Variants in CYSTM1 observed in about 807,000 individuals in gnomAD.
CYSTM1 encodes the protein cysteine rich transmembrane module containing 1, also known as cysteine-rich transmembrane module-containing protein 1.
Under a neutral mutation model 13.1 loss-of-function variants are expected in CYSTM1, and 4 were observed. The observed-to-expected ratio is 0.31, with a 90% CI of 0.15 to 0.70. The LOEUF (loss-of-function observed/expected upper bound fraction) is 0.70, where lower values mean the gene tolerates loss of function less well. Ranked by LOEUF, CYSTM1 falls within the 30% of genes least tolerant of loss-of-function variation. The probability of loss-of-function intolerance (pLI) is 0.72; values close to 1 mark genes in which losing one functional copy is unlikely to be tolerated. For missense variants in CYSTM1, 96 were observed against 121.6 expected (o/e 0.79, Z 0.99); for synonymous variants, 36 against 42.7 (o/e 0.84, Z 0.62).
At chr5:140,221,578 C>A (rs1005911410) in intron 2 of CYSTM1, among the ~76,000 whole-genome samples, 3 of 152,192 alleles carry the variant, frequency 2.0e-5, no homozygotes, top group Non-Finnish European at 1.5e-5. Context: ...GAATAATATT[C>A]ATTGCATATT....
intron 1 of CYSTM1, among the ~76,000 whole-genome samples, chr5:140,177,848 T>C (rs1445137367): frequency 1.3e-5 from 2 of 152,210 alleles, no homozygotes; most frequent in Non-Finnish European, 2.9e-5. Flanking sequence ...CCAAATCTCT[T>C]TGATACTATT....
At chr5:140,237,652 T>C (rs1475826160) in intron 2 of CYSTM1, among the ~76,000 whole-genome samples, 1 of 152,256 alleles carries the variant, frequency 6.6e-6, no homozygotes, top group Non-Finnish European at 1.5e-5. Flanking sequence ...CCACAGGCAG[T>C]GCTGGTGGTG....
chr5:140,176,939 G>A (rs1763893087), intron 1 of CYSTM1, among the ~76,000 whole-genome samples: 2 of 151,920 alleles, frequency 1.3e-5, no homozygotes, highest in South Asian at 4.2e-4. Context: ...CGTGGTGGCG[G>A]GCGCCTGTAA....
chr5:140,210,345 G>A (rs989415307), intron 2 of CYSTM1, among the ~76,000 whole-genome samples: 3 of 152,056 alleles, frequency 2.0e-5, no homozygotes, highest in African/African-American at 7.3e-5. Context: ...TGTATTGTAG[G>A]ATGCTCAGCA....
intron 2 of CYSTM1, among the ~76,000 whole-genome samples, chr5:140,227,695 A>T (rs1312122952): frequency 6.6e-6 from 1 of 152,090 alleles, no homozygotes; most frequent in African/African-American, 2.4e-5. Flanking sequence ...ACTGCCCCTA[A>T]AGCCCCCGGA....
chr5:140,222,800 G>A (rs968849983), intron 2 of CYSTM1, among the ~76,000 whole-genome samples: 2 of 152,202 alleles, frequency 1.3e-5, no homozygotes, highest in Admixed American at 6.5e-5. Context: ...TGCACTTTAG[G>A]AACTTAGAGT....
chr5:140,229,144 T>C (rs1764592632), intron 2 of CYSTM1, among the ~76,000 whole-genome samples: 1 of 152,214 alleles, frequency 6.6e-6, no homozygotes, highest in Non-Finnish European at 1.5e-5. Flanking sequence ...CTATATATTC[T>C]ATCCACTAAT....
chr5:140,211,674 C>T (rs1311202431), intron 2 of CYSTM1, among the ~76,000 whole-genome samples: 3 of 152,202 alleles, frequency 2.0e-5, no homozygotes, highest in Non-Finnish European at 4.4e-5. Flanking sequence ...TGGCCAGGTG[C>T]AGTGGCTCAC....
chr5:140,193,013 A>AT (rs1451955012), intron 1 of CYSTM1, among the ~76,000 whole-genome samples: 2 of 152,236 alleles, frequency 1.3e-5, no homozygotes, highest in African/African-American at 4.8e-5. Flanking sequence ...TAGACTATTT[A>AT]TAACTATTCT....
chr5:140,195,658 C>A (rs1581061501), intron 2 of CYSTM1, among the ~76,000 whole-genome samples: 2 of 151,224 alleles, frequency 1.3e-5, no homozygotes, highest in South Asian at 2.1e-4. Context: ...GTCTCAATCT[C>A]CTGACCTCGT....
rs1452026520 is a variant in CYSTM1 at position 140,175,237 on chromosome 5, C to A, written c.-69C>A. Reference sequence around the variant, plus strand: ...AGTCTACTGCGGGCTGGTCCGGGCTCCTCAGGTTCAGACCCGACCGTTATC... The same window carrying A: ...AGTCTACTGCGGGCTGGTCCGGGCTACTCAGGTTCAGACCCGACCGTTATC... On this transcript the variant is annotated 5_prime_UTR_variant, in exon 1 of 3. Transcript: ENST00000261811. This position sits in a 1 kb window ranked among gnomAD's most constrained non-coding sequence, Gnocchi z 4.9. 1.3e-5 allele frequency: 2 copies of A among 152,360 alleles called. No individual in the cohort carries two copies. Among genetic ancestry groups the A allele is most frequent in the African/African-American group, 4.8e-5 (2 of 41,466 alleles). The allele number at this position is 152,360 out of a possible 1,614,324, so 9.4% of individuals were successfully genotyped here. A position where few individuals can be genotyped will look rare whatever the true frequency, so the allele number is the denominator to read the frequency against.
At chr5:140,198,600 AC>A (rs1452072457) in intron 2 of CYSTM1, among the ~76,000 whole-genome samples, 1 of 152,224 alleles carries the variant, frequency 6.6e-6, no homozygotes, top group African/African-American at 2.4e-5. Context: ...AGCATCACTT[AC>A]CCCTTATTCC....
intron 2 of CYSTM1, among the ~76,000 whole-genome samples, chr5:140,236,836 C>A (rs1403645086): frequency 1.3e-5 from 2 of 152,150 alleles, no homozygotes; most frequent in Non-Finnish European, 2.9e-5. Flanking sequence ...TTTTGTTGGT[C>A]ATAGTTTTTT....
chr5:140,204,464 T>A (rs1764272233), intron 2 of CYSTM1, among the ~76,000 whole-genome samples: 1 of 152,118 alleles, frequency 6.6e-6, no homozygotes, highest in African/African-American at 2.4e-5. Context: ...CCACAGAAAT[T>A]CTCAAACACC....
intron 2 of CYSTM1, among the ~76,000 whole-genome samples, chr5:140,199,553 C>T (rs1764202289): frequency 1.3e-5 from 2 of 152,172 alleles, no homozygotes; most frequent in South Asian, 2.1e-4. Flanking sequence ...TGCAGTGGCG[C>T]GATCTTGACT....
chr5:140,231,370 T>A (rs1335859170), intron 2 of CYSTM1, among the ~76,000 whole-genome samples: 5 of 152,178 alleles, frequency 3.3e-5, no homozygotes, highest in African/African-American at 4.8e-5. Flanking sequence ...AGGGGAGCAG[T>A]TCTTCAGTCT....
At chr5:140,180,092 T>C (rs1199293201) in intron 1 of CYSTM1, among the ~76,000 whole-genome samples, 1 of 151,930 alleles carries the variant, frequency 6.6e-6, no homozygotes, top group Admixed American at 6.5e-5. Context: ...ACAGCAAGAG[T>C]ATTATCAGAA....
chr5:140,175,804 C>G lies in CYSTM1; in HGVS notation c.-21+519C>G, dbSNP rs1368550742. Among the ~76,000 whole-genome samples the G allele has an allele frequency of 1.3e-5, 2 of 152,202 alleles. No homozygotes were observed. Among genetic ancestry groups the G allele is most frequent in the African/African-American group, 4.8e-5 (2 of 41,462 alleles). ...AAGTAACTAGGGAACGCAAAGCCGG[C>G]GCTCGGAGGCCGGGGTGTTCAGAGA... On this transcript the variant is annotated intron_variant, in intron 1 of 2. Coordinates refer to ENST00000261811, the MANE Select transcript of CYSTM1 (RefSeq NM_032412.4). The surrounding 1 kb of genome is among the most constrained non-coding windows in gnomAD (Gnocchi z 4.9).
At position 140,230,072 on chromosome 5, in the gene CYSTM1, A is replaced by C. The variant is rs1270058402; in HGVS notation, c.188-13233A>C. Among the ~76,000 whole-genome samples the C allele has an allele frequency of 2.6e-5, 4 of 152,082 alleles. No homozygotes were observed. Among genetic ancestry groups the C allele is most frequent in the Non-Finnish European group, 5.9e-5 (4 of 68,014 alleles). ...TTTTAGTAGAGACAGGGGTTTCACC[A>C]TGTTGGTCAGTATGGTCTCGAACTC... On this transcript the variant is annotated intron_variant, in intron 2 of 2. Transcript: ENST00000261811. The surrounding 1 kb of genome is among the most constrained non-coding windows in gnomAD (Gnocchi z 4.1).
Sources: gnomAD v4.1 joint callset for allele counts (sites outside exome capture counted in the v4.1 genomes callset) on GRCh38, gnomAD v4.1.1 for gene constraint, Gnocchi (gnomAD v3.1) non-coding constraint, MANE v1.5 for transcripts, NCBI Gene and HGNC (gene_info 2026-07-23, HGNC 2026-07-21) for gene names.